The following SNX25 variants were observed in gnomAD, a reference collection of about 807,000 sequenced individuals.
SNX25 encodes sorting nexin-25.
In SNX25, 62 loss-of-function variants were observed where a neutral mutation model predicts 113.7. The ratio of observed to expected loss-of-function variants is 0.55; its 90% CI spans 0.44 to 0.67. The LOEUF is 0.67. Among genes scored for constraint, SNX25 ranks in the 30% least tolerant of loss-of-function variants. The pLI, the probability that SNX25 is intolerant of heterozygous loss-of-function variation, is 0.00. For synonymous variants in SNX25, 421 were observed against 436.2 expected, an observed-to-expected ratio of 0.97 and a Z score of 0.43; for missense variants, 1,014 against 1,161.0, an observed-to-expected ratio of 0.87 and a Z score of 1.84.
At position 185,351,336 on chromosome 4, in the gene SNX25, C is replaced by G. The variant is rs182905332; in HGVS notation, c.2302-109C>G. 1.2e-4 allele frequency: 141 copies of G among 1,164,348 alleles called. No individual in the cohort carries two copies. The African/African-American group carries it at 1.7e-3, about 14-fold the overall frequency. 72.1% of individuals were successfully genotyped at this position (1,164,348 alleles called of 1,614,324 possible). A position where few individuals can be genotyped will look rare whatever the true frequency, so the allele number is the denominator to read the frequency against. ...GGGAAGTGGTTTTCGGTTCAGAAGT[C>G]TGATGAAAGTAAATTCGTGACAGCT... is the stretch of plus-strand genomic sequence containing the variant. On this transcript the variant is annotated intron_variant, in intron 13 of 18. Transcript: ENST00000652585.
the SNX25 span, chr4:185,378,223 AAAAAT>A: frequency 6.2e-7 from 1 of 1,604,010 alleles, no homozygotes; most frequent in Non-Finnish European, 8.5e-7. Flanking sequence ...AGCAAGAAGA[AAAAAT>A]AAGTGGTAGA....
At chr4:185,320,343 A>C (rs574347167) in intron 7 of SNX25, among the ~76,000 whole-genome samples, 2 of 152,310 alleles carry the variant, frequency 1.3e-5, no homozygotes, top group East Asian at 3.9e-4. Flanking sequence ...GGATGAAGCT[A>C]GAGGCCATCA....
chr4:185,282,171 C>T (rs1232930509), intron 5 of SNX25, among the ~76,000 whole-genome samples: 3 of 152,098 alleles, frequency 2.0e-5, no homozygotes, highest in South Asian at 2.1e-4. Flanking sequence ...GCCTTTGACT[C>T]TGCCATGAAA....
intron 15 of SNX25, among the ~76,000 whole-genome samples, chr4:185,357,008 T>G (rs554032314): frequency 1.3e-5 from 2 of 152,200 alleles, no homozygotes; most frequent in Non-Finnish European, 2.9e-5. Flanking sequence ...GGGAAAGACC[T>G]TCAGAGCAAA....
chr4:185,272,640 T>C (rs1451278290), intron 5 of SNX25, among the ~76,000 whole-genome samples: 3 of 152,160 alleles, frequency 2.0e-5, no homozygotes, highest in Non-Finnish European at 4.4e-5. Flanking sequence ...GCAACTAATA[T>C]TGAGATTCTC....
At chr4:185,312,211 T>TA (rs897420400) in intron 7 of SNX25, among the ~76,000 whole-genome samples, 5 of 152,190 alleles carry the variant, frequency 3.3e-5, no homozygotes, top group African/African-American at 1.2e-4. Flanking sequence ...ACATCTCAGT[T>TA]ACAGTGCTAG....
intron 2 of SNX25, among the ~76,000 whole-genome samples, chr4:185,247,610 G>A (rs1443078783): frequency 6.6e-6 from 1 of 152,180 alleles, no homozygotes; most frequent in Non-Finnish European, 1.5e-5. Flanking sequence ...AGCCAGCCAT[G>A]TAGAGCTAGT....
chr4:185,277,109 C>G (rs1388427230), intron 5 of SNX25, among the ~76,000 whole-genome samples: 2 of 152,198 alleles, frequency 1.3e-5, no homozygotes, highest in East Asian at 3.9e-4. Flanking sequence ...AGTGCAACCT[C>G]TGCCTCTCGG....
chr4:185,221,333 C>T (rs929573157), intron 1 of SNX25, among the ~76,000 whole-genome samples: 3 of 152,016 alleles, frequency 2.0e-5, no homozygotes, highest in African/African-American at 7.3e-5. Flanking sequence ...GTGCCTGACC[C>T]GGGCTAATTA....
chr4:185,309,133 T>TA (rs1754896466), intron 6 of SNX25, among the ~76,000 whole-genome samples: 1 of 152,128 alleles, frequency 6.6e-6, no homozygotes, highest in Admixed American at 6.5e-5. Context: ...TGGTGCTGAA[T>TA]ATGAGCTTGA....
chr4:185,282,147 C>A (rs1410247303), intron 5 of SNX25, among the ~76,000 whole-genome samples: 2 of 152,084 alleles, frequency 1.3e-5, no homozygotes, highest in African/African-American at 4.8e-5. Context: ...ATACCTGAGA[C>A]TAAGGTTTGG....
Position 185,339,408 on chromosome 4 carries a change from C to T in SNX25, c.1944C>T (p.Ile648=). 2 of 1,613,976 alleles carry T rather than the reference C, an allele frequency of 1.2e-6. No individual in the cohort carries two copies. Among genetic ancestry groups the T allele is most frequent in the South Asian group, 2.2e-5 (2 of 91,074 alleles). The stretch of plus-strand genomic sequence containing the variant: ...TTTCCAAGTTGAAGGATGAAATAAT[C>T]CTAATAGAGAAAGAACGCACAGACC... The part of the protein sequence containing the change: ...KIVSKLKDEI[I]LIEKERTDLQ... Residue 648 remains isoleucine (I), a synonymous_variant, in exon 11 of 19, where the codon ATC becomes ATT. Coordinates refer to ENST00000652585, the MANE Select transcript of SNX25 (RefSeq NM_001378034.2).
chr4:185,336,771 C>G (rs1018759015), intron 10 of SNX25, among the ~76,000 whole-genome samples: 1 of 152,160 alleles, frequency 6.6e-6, no homozygotes, highest in Non-Finnish European at 1.5e-5. Context: ...AGTTTACGTT[C>G]CCACCAACGG....
At chr4:185,238,911 A>G (rs1170821901) in intron 1 of SNX25, among the ~76,000 whole-genome samples, 1 of 152,190 alleles carries the variant, frequency 6.6e-6, no homozygotes, top group Non-Finnish European at 1.5e-5. Flanking sequence ...TGTCCTACTT[A>G]AAAACAGTGG....
At chr4:185,235,450 T>C (rs1310602984) in intron 1 of SNX25, among the ~76,000 whole-genome samples, 6 of 152,218 alleles carry the variant, frequency 3.9e-5, no homozygotes, top group African/African-American at 2.4e-5. Flanking sequence ...TCAAGGGACA[T>C]GGTTTAGGGT....
intron 7 of SNX25, among the ~76,000 whole-genome samples, chr4:185,317,892 T>G (rs1289344267): frequency 6.6e-6 from 1 of 152,142 alleles, no homozygotes; most frequent in Non-Finnish European, 1.5e-5. Flanking sequence ...CCATGGCACA[T>G]GTATACCAGA....
intron 6 of SNX25, among the ~76,000 whole-genome samples, chr4:185,307,091 C>T (rs1429057846): frequency 2.0e-5 from 3 of 152,088 alleles, no homozygotes; most frequent in East Asian, 1.9e-4. Context: ...TGTTAAGTAC[C>T]GGAAAAGCTG....
chr4:185,376,130 C>T, the SNX25 span, among the ~76,000 whole-genome samples: 1 of 152,158 alleles, frequency 6.6e-6, no homozygotes, highest in African/African-American at 2.4e-5. Flanking sequence ...CATAGCCATT[C>T]CTCAGTCTAC....
rs1278704758 is a variant in SNX25, at chr4:185,210,436, C to T, written c.429+181C>T. 7.6e-6 allele frequency among the ~76,000 whole-genome samples: 1 copy of T among 130,966 alleles called. No homozygotes were observed. Among genetic ancestry groups the T allele is most frequent in the Non-Finnish European group, 1.8e-5 (1 of 56,104 alleles). The allele number at this position is 130,966 out of a possible 152,430, so 85.9% of individuals were successfully genotyped here. ...AGCGTTCCCCGGCGCCCGCGCGCGG[C>T]GGGCTCCGGGCTCCGGGCTCCGCGC... On this transcript the variant is annotated intron_variant, in intron 1 of 18. Transcript: ENST00000652585. This position sits in a 1 kb window ranked among gnomAD's most constrained non-coding sequence, Gnocchi z 4.4.
Sources: gnomAD v4.1 joint callset for allele counts (sites outside exome capture counted in the v4.1 genomes callset) on GRCh38, gnomAD v4.1.1 for gene constraint, Gnocchi (gnomAD v3.1) non-coding constraint, MANE v1.5 for transcripts, NCBI Gene and HGNC (gene_info 2026-07-23, HGNC 2026-07-21) for gene names.